The following CLMN variants were observed in gnomAD, a reference collection of about 807,000 sequenced individuals.
The protein encoded by CLMN is calmin (calponin-like, transmembrane).
Under a neutral mutation model 92.7 loss-of-function variants are expected in CLMN, and 57 were observed. The ratio of observed to expected loss-of-function variants is 0.61; its 90% CI spans 0.50 to 0.77. CLMN has a LOEUF of 0.77. Ranked by LOEUF, CLMN falls within the 30% of genes least tolerant of loss-of-function variation. The probability of loss-of-function intolerance (pLI) is 0.00; values close to 1 mark genes in which losing one functional copy is unlikely to be tolerated. For synonymous variants in CLMN, 466 were observed against 470.6 expected (o/e 0.99, Z 0.13); for missense variants, 1,158 against 1,237.5 (o/e 0.94, Z 0.96).
chr14:95,201,400 C>G (rs1896876460), intron 9 of CLMN, among the ~76,000 whole-genome samples: 1 of 151,750 alleles, frequency 6.6e-6, no homozygotes, highest in African/African-American at 2.4e-5. Context: ...TTCCCCACGA[C>G]CCCTTCTATT....
chr14:95,212,085 G>A lies in CLMN; in HGVS notation c.608+1134C>T, dbSNP rs114933906. On this transcript the variant is annotated intron_variant, in intron 6 of 12. Coordinates refer to ENST00000298912, the MANE Select transcript of CLMN (RefSeq NM_024734.4). ...ACATTTGTCAATTTCAATCTACCAC[G>A]CTTGATCTCTCAATCAAAACTCTGA... Among the ~76,000 whole-genome samples, 352 of 152,166 alleles carry A rather than the reference G, an allele frequency of 2.3e-3. 1 individual carries two copies. Among genetic ancestry groups the A allele is most frequent in the African/African-American group, 8.0e-3 (330 of 41,496 alleles).
intron 2 of CLMN, among the ~76,000 whole-genome samples, chr14:95,227,659 G>A (rs1172314334): frequency 2.0e-5 from 3 of 152,204 alleles, no homozygotes; most frequent in Non-Finnish European, 4.4e-5. Context: ...TCCATCCTGC[G>A]AGATGGCAGG....
At chr14:95,311,625 G>A (rs1349302868) in intron 1 of CLMN, among the ~76,000 whole-genome samples, 1 of 152,056 alleles carries the variant, frequency 6.6e-6, no homozygotes, top group Non-Finnish European at 1.5e-5. Flanking sequence ...ATAAAAAGAG[G>A]GACAGAAATA....
chr14:95,222,557 C>G (rs563372905), intron 3 of CLMN: 1 of 455,584 alleles, frequency 2.2e-6, no homozygotes, highest in Non-Finnish European at 4.4e-6. Context: ...CAAAGACTCC[C>G]CGTGGAGGCC....
intron 1 of CLMN, among the ~76,000 whole-genome samples, chr14:95,231,255 G>A (rs1001142685): frequency 6.0e-5 from 9 of 148,812 alleles, no homozygotes; most frequent in Non-Finnish European, 1.2e-4. Context: ...GGAGTGCAGT[G>A]ACGCAATCTC....
chr14:95,193,376 A>G, intron 12 of CLMN: 2 of 1,535,034 alleles, frequency 1.3e-6, no homozygotes, highest in Non-Finnish European at 1.7e-6. Flanking sequence ...TGATGCCATA[A>G]AACTGTAAAA....
At chr14:95,319,272 T>G (rs923560889) in intron 1 of CLMN, among the ~76,000 whole-genome samples, 5 of 151,162 alleles carry the variant, frequency 3.3e-5, no homozygotes, top group African/African-American at 1.2e-4. Flanking sequence ...CAATTCCCCT[T>G]GCCTCGAAGG....
At chr14:95,300,595 C>T (rs927887775) in intron 1 of CLMN, among the ~76,000 whole-genome samples, 10 of 152,220 alleles carry the variant, frequency 6.6e-5, no homozygotes, top group African/African-American at 1.9e-4. Flanking sequence ...CTGCCTACAT[C>T]GGCTTCTGGG....
At chr14:95,206,319 A>AT (rs200955322) in intron 8 of CLMN, among the ~76,000 whole-genome samples, 38 of 152,000 alleles carry the variant, frequency 2.5e-4, no homozygotes, top group African/African-American at 8.4e-4. Context: ...ACAGTTGGAG[A>AT]TTTTTTTTTC....
At position 95,190,013 on chromosome 14, in the gene CLMN, C is replaced by T. The variant is rs1896524449; in HGVS notation, c.*1551G>A. 6.6e-6 allele frequency: 1 copy of T among 152,134 alleles called. No homozygotes were observed. Among genetic ancestry groups the T allele is most frequent in the East Asian group, 1.9e-4 (1 of 5,186 alleles). 9.4% of individuals were successfully genotyped at this position (152,134 alleles called of 1,614,324 possible). ...AGTCCTTGGCTAGCAAAGAAAGAAACGTGATTCCTGGAGTAAGAGCGACGC... is the reference window on the plus strand; with the variant it reads ...AGTCCTTGGCTAGCAAAGAAAGAAATGTGATTCCTGGAGTAAGAGCGACGC... On this transcript the variant is annotated 3_prime_UTR_variant, in exon 13 of 13. Coordinates refer to ENST00000298912, the MANE Select transcript of CLMN (RefSeq NM_024734.4).
intron 1 of CLMN, among the ~76,000 whole-genome samples, chr14:95,303,249 T>C (rs764838434): frequency 1.2e-4 from 18 of 152,244 alleles, no homozygotes; most frequent in Admixed American, 3.9e-4. Flanking sequence ...AAACAATGCA[T>C]GTTCTACCAA....
intron 1 of CLMN, among the ~76,000 whole-genome samples, chr14:95,248,459 C>T (rs888763808): frequency 6.6e-6 from 1 of 152,154 alleles, no homozygotes. Flanking sequence ...GGTTTGAACC[C>T]CAGGCCTGGC....
chr14:95,284,818 T>C (rs774721509), intron 1 of CLMN, among the ~76,000 whole-genome samples: 3 of 152,140 alleles, frequency 2.0e-5, no homozygotes, highest in Non-Finnish European at 4.4e-5. Context: ...AGATAAGACT[T>C]TGGACTGTGG....
rs764713480 is a variant in CLMN at position 95,203,154 on chromosome 14, T to C, written c.2195A>G (p.Tyr732Cys). 5.6e-6 allele frequency: 9 copies of C among 1,612,516 alleles called. No individual in the cohort carries two copies. The highest frequency in any genetic ancestry group is 1.3e-5 in the African/African-American group (1 of 74,860). Reference protein sequence around the residue: ...IPHDLFYFPHYEVPLAAVLEA... With the variant: ...IPHDLFYFPHCEVPLAAVLEA... ...CAAAACTGCAGCCAGGGGAACCTCA[T>C]AGTGTGGGAAATAGAAGAGGTCGTG... Residue 732 changes from tyrosine (Y) to cysteine (C), a missense_variant, in exon 9 of 13, where the codon TAT becomes TGT. Tyr to Cys is a radical substitution (Grantham distance 194). Coordinates refer to ENST00000298912, the MANE Select transcript of CLMN (RefSeq NM_024734.4).
chr14:95,209,730 G>A (rs956538473), intron 7 of CLMN, among the ~76,000 whole-genome samples: 1 of 152,196 alleles, frequency 6.6e-6, no homozygotes, highest in African/African-American at 2.4e-5. Flanking sequence ...CTTCCTTGCT[G>A]TTTTAGTCCC....
chr14:95,316,466 G>GT (rs1459765629), intron 1 of CLMN, among the ~76,000 whole-genome samples: 1 of 152,242 alleles, frequency 6.6e-6, no homozygotes, highest in African/African-American at 2.4e-5. Flanking sequence ...ACACAGGAAG[G>GT]TGAGTGGCAG....
chr14:95,292,621 G>A (rs1900620009), intron 1 of CLMN, among the ~76,000 whole-genome samples: 3 of 151,996 alleles, frequency 2.0e-5, no homozygotes, highest in Non-Finnish European at 4.4e-5. Context: ...ACACTCACGG[G>A]GACCGACGGT....
At chr14:95,239,854 T>C (rs1898184775) in intron 1 of CLMN, among the ~76,000 whole-genome samples, 1 of 152,240 alleles carries the variant, frequency 6.6e-6, no homozygotes, top group Non-Finnish European at 1.5e-5. Context: ...TATAATGACA[T>C]TTCAACGATG....
chr14:95,267,420 C>G (rs1384220604), intron 1 of CLMN, among the ~76,000 whole-genome samples: 1 of 152,188 alleles, frequency 6.6e-6, no homozygotes, highest in African/African-American at 2.4e-5. Flanking sequence ...GGCCAACAGG[C>G]ATATGAATAA....
Sources: gnomAD v4.1 joint callset for allele counts (sites outside exome capture counted in the v4.1 genomes callset) on GRCh38, gnomAD v4.1.1 for gene constraint, MANE v1.5 for transcripts, NCBI Gene and HGNC (gene_info 2026-07-23, HGNC 2026-07-21) for gene names.